The following ANKRD22 variants were observed in gnomAD, a reference collection of about 807,000 sequenced individuals.
The protein encoded by ANKRD22 is ankyrin repeat domain-containing protein 22.
A neutral mutation model predicts 25.7 loss-of-function variants in ANKRD22; 24 were observed. That is an observed-to-expected ratio of 0.93 (90% CI 0.68 to 1.31). The LOEUF (loss-of-function observed/expected upper bound fraction) is 1.31. ANKRD22 is among the 50% of genes most tolerant of loss of function. ANKRD22 has a pLI of 0.00. For synonymous variants in ANKRD22, 84 were observed against 84.3 expected (o/e 1.00, Z 0.02); for missense variants, 214 against 227.1 (o/e 0.94, Z 0.37).
At position 88,820,134 on chromosome 10, in the gene ANKRD22, A is replaced by G. The variant is rs185586287; in HGVS notation, c.*2807T>C. 3.5e-3 allele frequency: 3,596 copies of G among 1,026,394 alleles called. 11 individuals are homozygous for G. The highest frequency in any genetic ancestry group is 4.6e-3 in the Non-Finnish European group (3,290 of 715,602). 63.6% of individuals were successfully genotyped at this position (1,026,394 alleles called of 1,614,324 possible). A position where few individuals can be genotyped will look rare whatever the true frequency, so the allele number is the denominator to read the frequency against. ...CTCTAACACCCATGTACCCTTCACC[A>G]CAACAGATGGCATGTTTATTATGTC... On this transcript the variant is annotated 3_prime_UTR_variant, in exon 6 of 6. Transcript: ENST00000371930.
chr10:88,851,789 C>A lies in ANKRD22; in HGVS notation c.-182G>T. On this transcript the variant is annotated 5_prime_UTR_variant, in exon 1 of 6. Transcript: ENST00000371930. ...AGTGCTTTTCCAGCAGCTCAGGCAG[C>A]AGCACACCTTCCAGAGAGCCCAGCC... 3.2e-6 allele frequency: 2 copies of A among 632,432 alleles called. No individual in the cohort carries two copies. The highest frequency in any genetic ancestry group is 5.7e-6 in the Non-Finnish European group (2 of 352,182). The allele number at this position is 632,432 out of a possible 1,614,324, so 39.2% of individuals were successfully genotyped here. A position where few individuals can be genotyped will look rare whatever the true frequency, so the allele number is the denominator to read the frequency against.
Position 88,822,543 on chromosome 10 carries a change from G to GTTTTT in ANKRD22, c.*397_*398insAAAAA, listed in dbSNP as rs1491462149. 2.5e-4 allele frequency: 5 copies of GTTTTT among 19,724 alleles called. No individual in the cohort carries two copies. The highest frequency in any genetic ancestry group is 3.5e-4 in the African/African-American group (1 of 2,856). The allele number at this position is 19,724 out of a possible 1,614,324, so 1.2% of individuals were successfully genotyped here. On this transcript the variant is annotated 3_prime_UTR_variant, in exon 6 of 6. Coordinates refer to ENST00000371930, the MANE Select transcript of ANKRD22 (RefSeq NM_144590.3). The stretch of plus-strand genomic sequence containing the variant: ...GAAAGACTGAGTTTGGAACACCAGG[G>GTTTTT]CTTTTTTTTTTTTTTTTTTTTTTGA...
chr10:88,846,987 A>G (rs1326812206), intron 1 of ANKRD22, among the ~76,000 whole-genome samples: 3 of 152,196 alleles, frequency 2.0e-5, no homozygotes, highest in African/African-American at 7.2e-5. Flanking sequence ...TCTTAAATTT[A>G]TGCCAAAGAA....
intron 1 of ANKRD22, among the ~76,000 whole-genome samples, chr10:88,834,909 A>T (rs896162715): frequency 2.0e-5 from 3 of 152,164 alleles, no homozygotes; most frequent in Non-Finnish European, 2.9e-5. Flanking sequence ...AGCCTGGGCG[A>T]CACAGCGAAA....
chr10:88,833,523 G>A (rs1188731316), intron 1 of ANKRD22, among the ~76,000 whole-genome samples: 2 of 152,160 alleles, frequency 1.3e-5, no homozygotes, highest in African/African-American at 4.8e-5. Flanking sequence ...AGCACCTGTG[G>A]AAACTGGGAC....
chr10:88,820,356 T>C lies in ANKRD22; in HGVS notation c.*2585A>G. The C allele has an allele frequency of 3.2e-6, 5 of 1,552,322 alleles. No homozygotes were observed. Among genetic ancestry groups the C allele is most frequent in the South Asian group, 1.2e-5 (1 of 84,054 alleles). ...CTGCTCTCTGAGGTGACCAACCTCA[T>C]CTACCATAAGAATATTCCTGAATGG... On this transcript the variant is annotated 3_prime_UTR_variant, in exon 6 of 6. Coordinates refer to ENST00000371930, the MANE Select transcript of ANKRD22 (RefSeq NM_144590.3).
chr10:88,830,646 C>G (rs1176959440), intron 2 of ANKRD22, among the ~76,000 whole-genome samples: 1 of 152,170 alleles, frequency 6.6e-6, no homozygotes, highest in Admixed American at 6.5e-5. Flanking sequence ...CCACTAAAGT[C>G]TTTTTCATGG....
chr10:88,839,284 A>G (rs1843982935), intron 1 of ANKRD22, among the ~76,000 whole-genome samples: 1 of 152,078 alleles, frequency 6.6e-6, no homozygotes, highest in South Asian at 2.1e-4. Context: ...ATCTTTTTAA[A>G]TTGCACTAAT....
Position 88,851,726 on chromosome 10 carries a change from G to A in ANKRD22, c.-119C>T. 8.2e-7 allele frequency: 1 copy of A among 1,214,192 alleles called. No homozygotes were observed. The highest frequency in any genetic ancestry group is 1.2e-6 in the Non-Finnish European group (1 of 826,320). 75.2% of individuals were successfully genotyped at this position (1,214,192 alleles called of 1,614,324 possible). A position where few individuals can be genotyped will look rare whatever the true frequency, so the allele number is the denominator to read the frequency against. ...AAAGTCCCTAGAAGTCCAAGCTGGT[G>A]GCAAGCTCCAGGAGTGCTTTTCTAG... On this transcript the variant is annotated 5_prime_UTR_variant, in exon 1 of 6. Coordinates refer to ENST00000371930, the MANE Select transcript of ANKRD22 (RefSeq NM_144590.3).
In ANKRD22 at chr10:88,851,764, A is replaced by T; in HGVS notation, c.-157T>A. The T allele has an allele frequency of 1.4e-6, 1 of 739,514 alleles. No homozygotes were observed. The allele number at this position is 739,514 out of a possible 1,614,324, so 45.8% of individuals were successfully genotyped here. ...AGTGCTTTTCTAGCAAACACCTGTC[A>T]GTGCTTTTCCAGCAGCTCAGGCAGC... On this transcript the variant is annotated 5_prime_UTR_variant, in exon 1 of 6. Transcript: ENST00000371930.
At chr10:88,823,827 CAA>C (rs56194758) in intron 4 of ANKRD22, among the ~76,000 whole-genome samples, 2,036 of 103,766 alleles carry the variant, frequency 0.02, 91 homozygotes, top group African/African-American at 0.081. Context: ...GACTCCGTCT[CAA>C]AAAAAAAAAA....
intron 1 of ANKRD22, among the ~76,000 whole-genome samples, chr10:88,838,770 A>G (rs1002191563): frequency 6.6e-6 from 1 of 152,174 alleles, no homozygotes; most frequent in Admixed American, 6.5e-5. Flanking sequence ...AAATTGAACC[A>G]TGGTCAAAAA....
chr10:88,825,001 T>A (rs1212307608), intron 4 of ANKRD22, among the ~76,000 whole-genome samples: 21 of 81,406 alleles, frequency 2.6e-4, no homozygotes, highest in Admixed American at 1.5e-3. Flanking sequence ...TCTCTCTCTC[T>A]CTCTCTCTCT....
intron 1 of ANKRD22, among the ~76,000 whole-genome samples, chr10:88,837,490 A>T (rs1487616333): frequency 6.6e-6 from 1 of 152,220 alleles, no homozygotes; most frequent in Non-Finnish European, 1.5e-5. Context: ...CCTACATAGA[A>T]GGAAAATTCT....
At chr10:88,848,951 G>A (rs1293676838) in intron 1 of ANKRD22, among the ~76,000 whole-genome samples, 1 of 151,922 alleles carries the variant, frequency 6.6e-6, no homozygotes, top group Non-Finnish European at 1.5e-5. Flanking sequence ...CAGCTTCTCT[G>A]AAAAACATAT....
At chr10:88,823,542 T>C (rs1418686801) in intron 4 of ANKRD22, 164 bp from the exon 5 acceptor site, 1 of 602,984 alleles carries the variant, frequency 1.7e-6, no homozygotes, top group African/African-American at 1.9e-5. Context: ...CTTAAAAAAT[T>C]TTTCGCCGGG....
At chr10:88,838,464 G>A (rs868589363) in intron 1 of ANKRD22, among the ~76,000 whole-genome samples, 2 of 152,182 alleles carry the variant, frequency 1.3e-5, no homozygotes, top group African/African-American at 4.8e-5. Context: ...AGCACAGTTC[G>A]TACATGTGGT....
chr10:88,845,677 A>C (rs577176219), intron 1 of ANKRD22, among the ~76,000 whole-genome samples: 1 of 152,100 alleles, frequency 6.6e-6, no homozygotes, highest in African/African-American at 2.4e-5. Context: ...TTTAGTTAAA[A>C]ATTTATCTAA....
intron 3 of ANKRD22, among the ~76,000 whole-genome samples, chr10:88,826,919 G>T (rs187551156): frequency 6.6e-6 from 1 of 152,176 alleles, no homozygotes; most frequent in Admixed American, 6.5e-5. Context: ...CTAGCACAGC[G>T]TCTGGCACAT....
Sources: allele counts gnomAD v4.1 joint callset (sites outside exome capture counted in the v4.1 genomes callset), GRCh38; gene constraint gnomAD v4.1.1; transcripts MANE v1.5; gene names NCBI Gene and HGNC (gene_info 2026-07-23, HGNC 2026-07-21).